Variants in TENM3 observed in about 807,000 individuals in gnomAD.
TENM3 encodes the protein teneurin transmembrane protein 3.
TENM3 carries 63 observed loss-of-function variants against 255.1 expected under a neutral mutation model. That is an observed-to-expected ratio of 0.25 (90% CI 0.20 to 0.30). TENM3 has a LOEUF of 0.30. Ranked by LOEUF, TENM3 falls within the 10% of genes least tolerant of loss-of-function variation. The pLI, the probability that TENM3 is intolerant of heterozygous loss-of-function variation, is 1.00. For synonymous variants in TENM3, 1,306 were observed against 1,322.3 expected (o/e 0.99, Z 0.27); for missense variants, 2,929 against 3,461.1 (o/e 0.85, Z 3.86).
chr4:181,803,487 C>T, the TENM3 span, among the ~76,000 whole-genome samples: 2 of 152,196 alleles, frequency 1.3e-5, no homozygotes, highest in Non-Finnish European at 2.9e-5. Context: ...GAGGTGACCT[C>T]ACCAATCAGT....
At chr4:182,245,294 C>A (rs1579873974) in intron 1 of TENM3, among the ~76,000 whole-genome samples, 2 of 152,154 alleles carry the variant, frequency 1.3e-5, no homozygotes, top group South Asian at 4.2e-4. Context: ...TTTGCTCTGT[C>A]TCATGTGATG....
intron 3 of TENM3, among the ~76,000 whole-genome samples, chr4:182,438,489 T>C (rs1772214083): frequency 6.6e-6 from 1 of 152,194 alleles, no homozygotes; most frequent in Non-Finnish European, 1.5e-5. Context: ...TTAAGGCCTT[T>C]CTCACTAATC....
intron 1 of TENM3, among the ~76,000 whole-genome samples, chr4:182,302,612 A>C (rs1236156108): frequency 6.6e-6 from 1 of 152,202 alleles, no homozygotes; most frequent in African/African-American, 2.4e-5. Flanking sequence ...TGATAACAGA[A>C]GATATAAAAC....
intron 1 of TENM3, among the ~76,000 whole-genome samples, chr4:182,275,397 T>A (rs577044547): frequency 6.6e-6 from 1 of 152,290 alleles, no homozygotes; most frequent in African/African-American, 2.4e-5. Flanking sequence ...TGTTACACTG[T>A]ACTTGCTTTC....
At chr4:181,659,562 T>G in the TENM3 span, among the ~76,000 whole-genome samples, 1 of 152,202 alleles carries the variant, frequency 6.6e-6, no homozygotes, top group Non-Finnish European at 1.5e-5. Flanking sequence ...AATTAAAATC[T>G]GAGACTATTT....
chr4:182,765,400 A>C (rs1763621339), intron 22 of TENM3, among the ~76,000 whole-genome samples: 1 of 152,120 alleles, frequency 6.6e-6, no homozygotes, highest in African/African-American at 2.4e-5. Flanking sequence ...ATTTTTTGAA[A>C]TCTTCAAATC....
At chr4:182,199,365 T>A (rs1465923609) in intron 1 of TENM3, among the ~76,000 whole-genome samples, 1 of 152,042 alleles carries the variant, frequency 6.6e-6, no homozygotes. Context: ...GAGGTTGCAG[T>A]GAGCCAAGAT....
the TENM3 span, among the ~76,000 whole-genome samples, chr4:181,626,374 C>T: frequency 1.3e-5 from 2 of 152,040 alleles, no homozygotes; most frequent in Non-Finnish European, 2.9e-5. Context: ...TAAGGGATAC[C>T]TGAGACTAAT....
At chr4:181,961,714 A>G in the TENM3 span, among the ~76,000 whole-genome samples, 3 of 152,162 alleles carry the variant, frequency 2.0e-5, no homozygotes, top group Admixed American at 6.5e-5. Context: ...GTTTTTCAAT[A>G]TATCTAATAG....
At chr4:181,469,125 T>G in the TENM3 span, among the ~76,000 whole-genome samples, 1 of 152,214 alleles carries the variant, frequency 6.6e-6, no homozygotes, top group African/African-American at 2.4e-5. Context: ...GTCATGGGTA[T>G]ATTTTCTACT....
the TENM3 span, among the ~76,000 whole-genome samples, chr4:181,794,318 CTT>C: frequency 1.3e-5 from 2 of 150,618 alleles, no homozygotes; most frequent in South Asian, 4.2e-4. Flanking sequence ...GATCTGCTCT[CTT>C]GGCAAATTTC....
chr4:182,498,720 TG>T lies in TENM3; in HGVS notation c.512-102202del, dbSNP rs1410891764. On this transcript the variant is annotated intron_variant, in intron 3 of 27. Coordinates refer to ENST00000511685, the MANE Select transcript of TENM3 (RefSeq NM_001080477.4). ...AATACAGAAAATTAGCCGGGCGTGGTGGCGTGTGCCTGTAATCCCAGCTACT... is the reference window on the plus strand; with the variant it reads ...AATACAGAAAATTAGCCGGGCGTGGTGCGTGTGCCTGTAATCCCAGCTACT... Among the ~76,000 whole-genome samples the T allele has an allele frequency of 5.3e-5, 8 of 152,266 alleles. No homozygotes were observed. In the South Asian group the frequency reaches 1.5e-3, roughly 28 times the overall value.
chr4:182,653,260 A>G (rs755610943), intron 5 of TENM3, among the ~76,000 whole-genome samples: 3 of 152,166 alleles, frequency 2.0e-5, no homozygotes, highest in Non-Finnish European at 2.9e-5. Context: ...GAATATTCAA[A>G]TTTGATTATA....
chr4:181,786,258 C>T, the TENM3 span, among the ~76,000 whole-genome samples: 15 of 152,184 alleles, frequency 9.9e-5, no homozygotes, highest in South Asian at 1.2e-3. Context: ...CTGTAAAGGC[C>T]GAAGGAAAAC....
At chr4:182,752,061 CT>C in intron 20 of TENM3, 29 bp downstream of exon 20, 1 of 970,802 alleles carries the variant, frequency 1.0e-6, no homozygotes, top group Non-Finnish European at 1.4e-6. Flanking sequence ...TTGAGGATTT[CT>C]TTTTATTTAT....
At chr4:181,476,353 G>A in the TENM3 span, among the ~76,000 whole-genome samples, 1 of 151,970 alleles carries the variant, frequency 6.6e-6, no homozygotes, top group South Asian at 2.1e-4. Flanking sequence ...TTACCCATGC[G>A]GCTTTTAATA....
chr4:181,475,071 AT>A, the TENM3 span, among the ~76,000 whole-genome samples: 1 of 152,220 alleles, frequency 6.6e-6, no homozygotes, highest in African/African-American at 2.4e-5. Flanking sequence ...CAATATAATG[AT>A]TTTGAATGTA....
At chr4:182,640,915 A>G (rs1044751515) in intron 5 of TENM3, among the ~76,000 whole-genome samples, 8 of 152,194 alleles carry the variant, frequency 5.3e-5, no homozygotes, top group Non-Finnish European at 5.9e-5. Flanking sequence ...GAGGAGTAAG[A>G]TGAGACACTC....
intron 16 of TENM3, among the ~76,000 whole-genome samples, chr4:182,734,402 T>G (rs1175654107): frequency 6.6e-6 from 1 of 152,128 alleles, no homozygotes; most frequent in Non-Finnish European, 1.5e-5. Flanking sequence ...CAGTGGAGTT[T>G]TTTCAGCATT....
Sources: gnomAD v4.1 joint callset for allele counts (sites outside exome capture counted in the v4.1 genomes callset) on GRCh38, gnomAD v4.1.1 for gene constraint, MANE v1.5 for transcripts, NCBI Gene and HGNC (gene_info 2026-07-23, HGNC 2026-07-21) for gene names.